The following PPFIA1 variants were observed in gnomAD, a reference collection of about 807,000 sequenced individuals.
PPFIA1 encodes the protein PPFI scaffold protein A1, also known as liprin-alpha-1.
A neutral mutation model predicts 149.9 loss-of-function variants in PPFIA1; 25 were observed. The observed-to-expected ratio is 0.17, with a 90% confidence interval of 0.12 to 0.23. The LOEUF (loss-of-function observed/expected upper bound fraction) is 0.23. Ranked by LOEUF, PPFIA1 falls within the 10% of genes least tolerant of loss-of-function variation. PPFIA1 has a pLI of 1.00. For synonymous variants in PPFIA1, 549 were observed against 552.8 expected, an observed-to-expected ratio of 0.99 and a Z score of 0.10; for missense variants, 1,362 against 1,506.5, an observed-to-expected ratio of 0.90 and a Z score of 1.59.
chr11:70,313,112 C>T (rs1179345025), intron 2 of PPFIA1, among the ~76,000 whole-genome samples: 1 of 152,094 alleles, frequency 6.6e-6, no homozygotes, highest in African/African-American at 2.4e-5. Context: ...TTGCTGTGAC[C>T]GATGTGCTGT....
At chr11:70,299,271 C>A (rs927526727) in intron 2 of PPFIA1, among the ~76,000 whole-genome samples, 1 of 152,078 alleles carries the variant, frequency 6.6e-6, no homozygotes, top group African/African-American at 2.4e-5. Flanking sequence ...TCTGGGTAGG[C>A]CTTTTGTTAG....
At position 70,338,431 on chromosome 11, in the gene PPFIA1, A is replaced by G. The variant is rs772581748; in HGVS notation, c.1549A>G (p.Arg517Gly). The change falls in exon 13 of 28, where the codon AGA (arginine) becomes GGA (glycine). Residue 517 changes from arginine to glycine, a missense_variant. Arg to Gly is a moderately radical substitution (Grantham distance 125). Coordinates refer to ENST00000253925, the MANE Select transcript of PPFIA1 (RefSeq NM_003626.5). ...GGCTGAACTAGACCACATGAGACTAAGAGGTGCTTCACTTCATCATGGGTA... is the reference window on the plus strand; with the variant it reads ...GGCTGAACTAGACCACATGAGACTAGGAGGTGCTTCACTTCATCATGGGTA... ...LRAELDHMRL[R>G]GASLHHGRPH... The G allele has an allele frequency of 3.4e-5, 55 of 1,612,352 alleles. No homozygotes were observed. The highest frequency in any genetic ancestry group is 4.2e-5 in the Non-Finnish European group (49 of 1,178,490).
intron 14 of PPFIA1, among the ~76,000 whole-genome samples, chr11:70,342,537 T>A (rs1279417922): frequency 6.6e-6 from 1 of 152,246 alleles, no homozygotes; most frequent in South Asian, 2.1e-4. Flanking sequence ...ACTGCCATTC[T>A]TGAGGTTGCC....
chr11:70,362,664 A>G (rs2056722984), intron 21 of PPFIA1, 176 bp downstream of exon 21: 1 of 496,646 alleles, frequency 2.0e-6, no homozygotes, highest in Non-Finnish European at 3.3e-6. Context: ...TTGGATGGTC[A>G]AAAGAAACTT....
chr11:70,380,290 G>A lies in PPFIA1; in HGVS notation c.3551-1798G>A, dbSNP rs561468903. On this transcript the variant is annotated intron_variant, in intron 26 of 27. Coordinates refer to ENST00000253925, the MANE Select transcript of PPFIA1 (RefSeq NM_003626.5). ...TAGTAAAAATACAAAAAAATCGGCC[G>A]GGCTCGGTGGCTCACGCCTGTAATC... Among the ~76,000 whole-genome samples, 6 of 152,056 alleles carry A rather than the reference G, an allele frequency of 3.9e-5. No individual in the cohort carries two copies. The South Asian group carries it at 1.2e-3, about 32-fold the overall frequency.
At chr11:70,333,887 C>T (rs900532541) in intron 10 of PPFIA1, among the ~76,000 whole-genome samples, 1 of 152,140 alleles carries the variant, frequency 6.6e-6, no homozygotes, top group South Asian at 2.1e-4. Context: ...CCCCCTACCC[C>T]CTGCAAATGT....
At chr11:70,335,459 G>T (rs2054914747) in intron 10 of PPFIA1, 104 bp from the exon 11 acceptor site, 1 of 1,355,274 alleles carries the variant, frequency 7.4e-7, no homozygotes, top group South Asian at 1.3e-5. Flanking sequence ...GCAACTGGGG[G>T]AGGGGAGGGC....
intron 19 of PPFIA1, among the ~76,000 whole-genome samples, chr11:70,357,787 C>T (rs1216288935): frequency 7.2e-5 from 11 of 152,082 alleles, no homozygotes; most frequent in Non-Finnish European, 2.9e-5. Flanking sequence ...CGGGGTTTCA[C>T]CATGTTAGCC....
chr11:70,375,182 A>C lies in PPFIA1; in HGVS notation c.3315+89A>C, dbSNP rs1490025634. On this transcript the variant is annotated intron_variant, in intron 24 of 27. Coordinates refer to ENST00000253925, the MANE Select transcript of PPFIA1 (RefSeq NM_003626.5). ...AGTTATTCGAATAGAAAGAAACTTTAAAAAAAAAAAAAAAAAAAAACTTCA... is the reference window on the plus strand; with the variant it reads ...AGTTATTCGAATAGAAAGAAACTTTCAAAAAAAAAAAAAAAAAAAACTTCA... 4,264 of 152,304 alleles carry C rather than the reference A, an allele frequency of 0.028. 184 individuals are homozygous for C. In the African/African-American group the frequency reaches 0.29, roughly 11 times the overall value. The allele number at this position is 152,304 out of a possible 1,614,324, so 9.4% of individuals were successfully genotyped here.
In PPFIA1 at chr11:70,375,009, T is replaced by A; in HGVS notation, c.3231T>A (p.Val1077=). 1.2e-6 allele frequency: 2 copies of A among 1,613,952 alleles called. No homozygotes were observed. The highest frequency in any genetic ancestry group is 1.7e-6 in the Non-Finnish European group (2 of 1,179,962). The change falls in exon 24 of 28, where the codon GTT becomes GTA. Residue 1077 remains valine, a synonymous_variant. Coordinates refer to ENST00000253925, the MANE Select transcript of PPFIA1 (RefSeq NM_003626.5). The stretch of plus-strand genomic sequence containing the variant: ...CAAACAATCTTATAGAGAGTGGTGT[T>A]CACGGAGCACTTCTGGCCTTAGATG... ...EYANNLIESG[V]HGALLALDET...
intron 8 of PPFIA1, among the ~76,000 whole-genome samples, chr11:70,331,753 C>G (rs952087386): frequency 2.0e-5 from 3 of 152,022 alleles, no homozygotes; most frequent in Non-Finnish European, 4.4e-5. Context: ...GCACTCCAGC[C>G]TGGGTGACAA....
At chr11:70,377,125 A>C (rs539298797) in intron 25 of PPFIA1, among the ~76,000 whole-genome samples, 1 of 152,046 alleles carries the variant, frequency 6.6e-6, no homozygotes, top group Non-Finnish European at 1.5e-5. Flanking sequence ...AATACCTTCA[A>C]GAAGGTAGTT....
At chr11:70,382,752 C>T (rs949042599) in intron 27 of PPFIA1, among the ~76,000 whole-genome samples, 1 of 152,150 alleles carries the variant, frequency 6.6e-6, no homozygotes, top group Non-Finnish European at 1.5e-5. Context: ...GTTTGTTCAT[C>T]TTTTATTTGT....
chr11:70,379,625 T>A lies in PPFIA1; in HGVS notation c.3550+1430T>A, dbSNP rs1344276388. Reference sequence around the variant, plus strand: ...GACCCCATCTCTAAAAAAAAAAAAATAATAATTGAAAACTGTGCGAATGGG... The same window carrying A: ...GACCCCATCTCTAAAAAAAAAAAAAAAATAATTGAAAACTGTGCGAATGGG... On this transcript the variant is annotated intron_variant, in intron 26 of 27. Coordinates refer to ENST00000253925, the MANE Select transcript of PPFIA1 (RefSeq NM_003626.5). 5.3e-5 allele frequency among the ~76,000 whole-genome samples: 8 copies of A among 150,996 alleles called. No individual in the cohort carries two copies. The East Asian group carries it at 5.8e-4, about 11-fold the overall frequency.
chr11:70,330,368 A>G, intron 8 of PPFIA1, 49 bp downstream of exon 8: 1 of 1,463,082 alleles, frequency 6.8e-7, no homozygotes, highest in Non-Finnish European at 9.2e-7. Context: ...TTATTAATGA[A>G]GTTAAAGACC....
At chr11:70,309,950 A>G (rs1222925910) in intron 2 of PPFIA1, among the ~76,000 whole-genome samples, 1 of 152,212 alleles carries the variant, frequency 6.6e-6, no homozygotes, top group Non-Finnish European at 1.5e-5. Flanking sequence ...AGCATTGTGA[A>G]TATACTAAAA....
At chr11:70,304,631 G>A (rs2052720840) in intron 2 of PPFIA1, among the ~76,000 whole-genome samples, 1 of 152,146 alleles carries the variant, frequency 6.6e-6, no homozygotes, top group Non-Finnish European at 1.5e-5. Flanking sequence ...CTTGTACTTG[G>A]CACCTGCAAA....
intron 5 of PPFIA1, 76 bp downstream of exon 5, chr11:70,325,650 G>A: frequency 2.5e-6 from 3 of 1,189,006 alleles, no homozygotes; most frequent in Non-Finnish European, 3.7e-6. Flanking sequence ...AGCAGCATAA[G>A]GCCAGACGTG....
intron 12 of PPFIA1, 116 bp from the exon 13 acceptor site, chr11:70,338,258 T>G (rs1380667168): frequency 1.3e-6 from 1 of 797,438 alleles, no homozygotes; most frequent in Non-Finnish European, 2.1e-6. Flanking sequence ...TGTTTGGTAT[T>G]TGTAACTGCT....
Sources: allele counts gnomAD v4.1 joint callset (sites outside exome capture counted in the v4.1 genomes callset), GRCh38; gene constraint gnomAD v4.1.1; transcripts MANE v1.5; gene names NCBI Gene and HGNC (gene_info 2026-07-23, HGNC 2026-07-21).